MYPN: variants seen among roughly 807,000 people sequenced by gnomAD.
MYPN encodes the protein myopalladin.
In MYPN, 63 loss-of-function variants were observed where a neutral mutation model predicts 129.4. The ratio of observed to expected loss-of-function variants is 0.49; its 90% CI spans 0.40 to 0.60. The LOEUF (loss-of-function observed/expected upper bound fraction) is 0.60, where lower values mean the gene tolerates loss of function less well. Ranked by LOEUF, MYPN falls within the 20% of genes least tolerant of loss-of-function variation. The pLI is 0.00. For missense variants in MYPN, 1,596 were observed against 1,635.4 expected (o/e 0.98, Z 0.42); for synonymous variants, 629 against 600.9 (o/e 1.05, Z -0.68).
intron 12 of MYPN, among the ~76,000 whole-genome samples, chr10:68,179,643 G>C (rs559710284): frequency 6.6e-6 from 1 of 152,204 alleles, no homozygotes; most frequent in Non-Finnish European, 1.5e-5. Context: ...AACTTAATTA[G>C]CTGATTTTAA....
At chr10:68,103,577 T>A (rs1325538802), upstream of MYPN, among the ~76,000 whole-genome samples, 1 of 152,202 alleles carries the variant, frequency 6.6e-6, no homozygotes, top group African/African-American at 2.4e-5. Flanking sequence ...GAGTTCTGAT[T>A]TTTGAACTAA....
chr10:68,105,344 A>G (rs2042003919), upstream of MYPN, among the ~76,000 whole-genome samples: 1 of 152,256 alleles, frequency 6.6e-6, no homozygotes, highest in Non-Finnish European at 1.5e-5. Context: ...AGAGCCTAGC[A>G]TAGTGCCTCG....
chr10:68,189,032 C>A lies in MYPN; in HGVS notation c.2831C>A (p.Ala944Asp), dbSNP rs780678720. ...HDEIPTGKCI[A>D]PIFDKRLKHF... The stretch of plus-strand genomic sequence containing the variant: ...GAGATCCCCACGGGCAAGTGTATTG[C>A]TCCCATCTTTGACAAGAGACTCAAG... Residue 944 changes from alanine (A) to aspartate (D), a missense_variant, in exon 13 of 20, where the codon GCT (alanine) becomes GAT (aspartate). Ala to Asp is a moderately radical substitution (Grantham distance 126). Coordinates refer to ENST00000358913, the MANE Select transcript of MYPN (RefSeq NM_032578.4). 2 of 1,614,002 alleles carry A rather than the reference C, an allele frequency of 1.2e-6. No homozygotes were observed. The highest frequency in any genetic ancestry group is 2.7e-5 in the African/African-American group (2 of 74,920).
chr10:68,199,541 G>A lies in MYPN; in HGVS notation c.3459G>A (p.Gly1153=). Residue 1153 remains glycine (G), a synonymous_variant, in exon 17 of 20, where the codon GGG becomes GGA. Transcript: ENST00000358913. ...AGTGCATCGCTACCAACAAAACCGG[G>A]CAGAATTCTTTTAGTCTGGAGCTCT... is the stretch of plus-strand genomic sequence containing the variant. ...TYKCIATNKT[G]QNSFSLELSV... is the part of the protein sequence containing the mutation. 2.5e-6 allele frequency: 4 copies of A among 1,614,092 alleles called. No homozygotes were observed. Among genetic ancestry groups the A allele is most frequent in the Non-Finnish European group, 3.4e-6 (4 of 1,180,002 alleles).
In MYPN at chr10:68,142,940, G is replaced by T; in HGVS notation, c.903G>T (p.Arg301Ser). ...AATGACCATATCCTTTTCCCTGCAG[G>T]TGGTACTGTGAAGGCAAGGAGCTTG... is the stretch of plus-strand genomic sequence containing the variant. ...IVVGIPPPQVRWYCEGKELEN... is the reference protein window; with the variant it reads ...IVVGIPPPQVSWYCEGKELEN... The change falls in exon 3 of 20, where the codon AGG (arginine) becomes AGT (serine). Residue 301 changes from arginine to serine, a missense_variant and splice_region_variant. Arg to Ser is a moderately radical substitution (Grantham distance 110). Coordinates refer to ENST00000358913, the MANE Select transcript of MYPN (RefSeq NM_032578.4). The T allele has an allele frequency of 3.1e-6, 5 of 1,614,064 alleles. No individual in the cohort carries two copies. Among genetic ancestry groups the T allele is most frequent in the Middle Eastern group, 1.6e-4 (1 of 6,062 alleles).
chr10:68,152,824 C>T (rs191480757), intron 6 of MYPN, among the ~76,000 whole-genome samples: 15 of 151,178 alleles, frequency 9.9e-5, no homozygotes, highest in African/African-American at 2.9e-4. Flanking sequence ...TTTTAGTAGA[C>T]GTGAGGTTTC....
intron 1 of MYPN, among the ~76,000 whole-genome samples, chr10:68,088,686 C>T (rs1240208559): frequency 1.3e-5 from 2 of 152,156 alleles, no homozygotes; most frequent in African/African-American, 4.8e-5. Context: ...CAGTTTCTCA[C>T]AGGGTTAATC....
At chr10:68,204,913 G>T (rs960892790) in intron 18 of MYPN, among the ~76,000 whole-genome samples, 1 of 151,768 alleles carries the variant, frequency 6.6e-6, no homozygotes, top group Non-Finnish European at 1.5e-5. Flanking sequence ...AACCCCAGCT[G>T]TAAGGAATAT....
intron 2 of MYPN, among the ~76,000 whole-genome samples, chr10:68,126,251 A>G (rs149518143): frequency 1.1e-3 from 162 of 152,306 alleles, no homozygotes; most frequent in African/African-American, 3.7e-3. Flanking sequence ...ATGTTTATGG[A>G]AAGGCACAGA....
intron 11 of MYPN, 25 bp from the exon 12 acceptor site, chr10:68,175,298 T>G (rs756208747): frequency 3.7e-6 from 6 of 1,613,708 alleles, no homozygotes; most frequent in African/African-American, 1.3e-5. Flanking sequence ...TTCATGGGTG[T>G]GTCAGGTGTG....
chr10:68,207,703 C>T (rs1017533308), intron 19 of MYPN, among the ~76,000 whole-genome samples: 2 of 152,292 alleles, frequency 1.3e-5, no homozygotes, highest in East Asian at 3.9e-4. Flanking sequence ...GACACATAGG[C>T]TCCCCTCTCT....
chr10:68,106,308 T>C (rs2042012856), upstream of MYPN: 3 of 378,826 alleles, frequency 7.9e-6, no homozygotes, highest in Non-Finnish European at 1.5e-5. Context: ...TTAATGTTTT[T>C]AGTTTTCCCA....
intron 1 of MYPN, among the ~76,000 whole-genome samples, chr10:68,097,140 T>C (rs1237125458): frequency 6.6e-6 from 1 of 152,222 alleles, no homozygotes; most frequent in Admixed American, 6.5e-5. Context: ...GGTAACTAGA[T>C]ATGAAGCATT....
At chr10:68,197,238 C>T (rs2043622725) in intron 15 of MYPN, 114 bp from the exon 16 acceptor site, 5 of 1,142,182 alleles carry the variant, frequency 4.4e-6, no homozygotes, top group South Asian at 4.1e-5. Flanking sequence ...CCCCTTTCCC[C>T]CTTCAAAAAA....
chr10:68,194,706 C>G (rs896083458), intron 14 of MYPN, among the ~76,000 whole-genome samples, 194 bp downstream of exon 14: 1 of 152,212 alleles, frequency 6.6e-6, no homozygotes, highest in African/African-American at 2.4e-5. Flanking sequence ...GTCACTCAAT[C>G]CTTCAGCCTT....
intron 19 of MYPN, among the ~76,000 whole-genome samples, chr10:68,209,518 G>C (rs920939451): frequency 2.0e-5 from 3 of 152,058 alleles, no homozygotes; most frequent in African/African-American, 7.2e-5. Context: ...CATTTCTGCA[G>C]CTTTCTTGTC....
At chr10:68,153,821 C>T (rs565644407) in intron 6 of MYPN, among the ~76,000 whole-genome samples, 126 of 152,262 alleles carry the variant, frequency 8.3e-4, no homozygotes, top group African/African-American at 2.9e-3. Flanking sequence ...CTTCTTCCTG[C>T]CCTATTTACT....
rs1235324197 is a variant in MYPN at position 68,143,074 on chromosome 10, T to C, written c.1037T>C (p.Ile346Thr). 3.7e-6 allele frequency: 6 copies of C among 1,614,032 alleles called. No homozygotes were observed. Among genetic ancestry groups the C allele is most frequent in the East Asian group, 2.2e-5 (1 of 44,884 alleles). The change falls in exon 3 of 20, where the codon ATC (isoleucine) becomes ACC (threonine). Residue 346 changes from isoleucine to threonine, a missense_variant. By Grantham distance (89) the Ile-to-Thr change is moderately conservative (BLOSUM62 -1). Transcript: ENST00000358913. ...CGCTATTCCTGCTTTGCTTCTAACA[T>C]CTATGGGACAGATTCGACTTCTGCT... Reference protein sequence around the residue: ...TGRYSCFASNIYGTDSTSAEI... With the variant: ...TGRYSCFASNTYGTDSTSAEI...
intron 18 of MYPN, among the ~76,000 whole-genome samples, chr10:68,203,124 C>T (rs35898435): frequency 1.1e-4 from 16 of 152,124 alleles, no homozygotes; most frequent in African/African-American, 3.9e-4. Flanking sequence ...CTCTGAGGAC[C>T]AGCTCGGTTT....
Sources: gnomAD v4.1 joint callset for allele counts (sites outside exome capture counted in the v4.1 genomes callset) on GRCh38, gnomAD v4.1.1 for gene constraint, MANE v1.5 for transcripts, NCBI Gene and HGNC (gene_info 2026-07-23, HGNC 2026-07-21) for gene names.